Variants in PLXNA2 observed in about 807,000 individuals in gnomAD.
The protein encoded by PLXNA2 is plexin-A2.
PLXNA2 carries 91 observed loss-of-function variants against 193.5 expected under a neutral mutation model. The ratio of observed to expected loss-of-function variants is 0.47; its 90% CI spans 0.40 to 0.56. The LOEUF (loss-of-function observed/expected upper bound fraction) is 0.56. Among genes scored for constraint, PLXNA2 ranks in the 20% least tolerant of loss-of-function variants. The pLI, the probability that PLXNA2 is intolerant of heterozygous loss-of-function variation, is 0.00. For synonymous variants in PLXNA2, 997 were observed against 1,027.3 expected (o/e 0.97, Z 0.56); for missense variants, 1,995 against 2,503.2 (o/e 0.80, Z 4.33).
chr1:208,198,136 A>G (rs748748420), intron 3 of PLXNA2, among the ~76,000 whole-genome samples: 1 of 152,212 alleles, frequency 6.6e-6, no homozygotes, highest in Non-Finnish European at 1.5e-5. Flanking sequence ...TCAGGCATCA[A>G]TATTGATGGA....
chr1:208,103,967 C>T (rs1481091741), intron 4 of PLXNA2, among the ~76,000 whole-genome samples: 1 of 152,152 alleles, frequency 6.6e-6, no homozygotes. Context: ...GGGGCTTGAG[C>T]TGGGCCTGTC....
At chr1:208,158,530 G>A (rs138194787) in intron 3 of PLXNA2, among the ~76,000 whole-genome samples, 244 of 152,246 alleles carry the variant, frequency 1.6e-3, no homozygotes, top group African/African-American at 5.4e-3. Context: ...CTCCCAAACT[G>A]ACCTGTGCCC....
At chr1:208,091,138 G>A (rs909673243) in intron 9 of PLXNA2, among the ~76,000 whole-genome samples, 8 of 152,210 alleles carry the variant, frequency 5.3e-5, no homozygotes, top group Non-Finnish European at 8.8e-5. Flanking sequence ...GGCACTAGAT[G>A]CCTGGTTTCG....
At chr1:208,180,060 T>G (rs1021704593) in intron 3 of PLXNA2, among the ~76,000 whole-genome samples, 80 of 152,106 alleles carry the variant, frequency 5.3e-4, no homozygotes, top group Non-Finnish European at 1.6e-4. Flanking sequence ...CACGAGGAAA[T>G]TAGCACAAGG....
At chr1:208,238,746 C>G (rs1572066306) in intron 1 of PLXNA2, among the ~76,000 whole-genome samples, 1 of 152,298 alleles carries the variant, frequency 6.6e-6, no homozygotes, top group South Asian at 2.1e-4. Context: ...AAAAAGTCTC[C>G]TCAGGAGCAG....
rs1664370187 is a variant in PLXNA2, at chr1:208,027,291, C to T, written c.5637G>A (p.Leu1879=). ...TAATGAGCTGCTCCACCTTATAAGC[C>T]AGCCGCTGCCGCCGTGCCTGCTCAT... The part of the protein sequence containing the change: ...EQDEQARRQR[L]AYKVEQLINA... Residue 1879 remains leucine, a synonymous_variant, in exon 32 of 32, where the codon CTG becomes CTA. Transcript: ENST00000367033. 2 of 1,613,614 alleles carry T rather than the reference C, an allele frequency of 1.2e-6. No homozygotes were observed. The highest frequency in any genetic ancestry group is 3.3e-5 in the Admixed American group (2 of 60,004).
At position 208,243,949 on chromosome 1, in the gene PLXNA2, G is replaced by C. The variant is rs1418109610; in HGVS notation, c.-387C>G. 2 of 152,414 alleles carry C rather than the reference G, an allele frequency of 1.3e-5. No individual in the cohort carries two copies. Among genetic ancestry groups the C allele is most frequent in the Non-Finnish European group, 2.9e-5 (2 of 68,216 alleles). The allele number at this position is 152,414 out of a possible 1,614,324, so 9.4% of individuals were successfully genotyped here. The stretch of plus-strand genomic sequence containing the variant: ...CCCGGAGGCGCCGAGGGGGCGTGTG[G>C]GGGCGGCCGGCGGTGTCTCTCCTGA... On this transcript the variant is annotated 5_prime_UTR_variant, in exon 1 of 32. Coordinates refer to ENST00000367033, the MANE Select transcript of PLXNA2 (RefSeq NM_025179.4).
chr1:208,188,913 T>C (rs1369354142), intron 3 of PLXNA2, among the ~76,000 whole-genome samples: 39 of 152,096 alleles, frequency 2.6e-4, no homozygotes, highest in Admixed American at 2.4e-3. Context: ...TGTAGAGCAA[T>C]GCTTATGTAC....
At chr1:208,061,172 C>T (rs753935954) in intron 12 of PLXNA2, among the ~76,000 whole-genome samples, 2 of 152,176 alleles carry the variant, frequency 1.3e-5, no homozygotes, top group African/African-American at 2.4e-5. Context: ...CGATCAGTCA[C>T]GTAATCTCTC....
At chr1:208,151,496 C>T (rs374109572) in intron 3 of PLXNA2, among the ~76,000 whole-genome samples, 4 of 152,090 alleles carry the variant, frequency 2.6e-5, no homozygotes, top group East Asian at 1.9e-4. Context: ...TTAGGCATAT[C>T]GACAGGTTAA....
rs550565856 is a variant in PLXNA2, at chr1:208,023,341, C to G, written c.*3902G>C. ...CCAGGAGCAGGTTAATGGGGGCAGG[C>G]GTGGCAACCGGGATGCACCTGGAGA... is the stretch of plus-strand genomic sequence containing the variant. On this transcript the variant is annotated 3_prime_UTR_variant, in exon 32 of 32. Transcript: ENST00000367033. 1 of 152,712 alleles carries G rather than the reference C, an allele frequency of 6.5e-6. No homozygotes were observed. Among genetic ancestry groups the G allele is most frequent in the Non-Finnish European group, 1.5e-5 (1 of 68,114 alleles). The allele number at this position is 152,712 out of a possible 1,614,324, so 9.5% of individuals were successfully genotyped here. A position where few individuals can be genotyped will look rare whatever the true frequency, so the allele number is the denominator to read the frequency against.
At chr1:208,136,943 C>T (rs1484427451) in intron 4 of PLXNA2, among the ~76,000 whole-genome samples, 2 of 152,206 alleles carry the variant, frequency 1.3e-5, no homozygotes, top group Non-Finnish European at 2.9e-5. Context: ...TGCATTCTCT[C>T]AATCCTCACA....
chr1:208,083,378 G>A (rs904811604), intron 10 of PLXNA2, among the ~76,000 whole-genome samples: 3 of 152,082 alleles, frequency 2.0e-5, no homozygotes, highest in African/African-American at 7.2e-5. Context: ...GAGACCTCGG[G>A]GCATCTTCCC....
intron 3 of PLXNA2, chr1:208,209,918 AT>A (rs1481934652): frequency 8.5e-6 from 2 of 234,786 alleles, no homozygotes; most frequent in Non-Finnish European, 1.7e-5. Context: ...GGGATTTGCG[AT>A]TTTGGAGATT....
intron 1 of PLXNA2, among the ~76,000 whole-genome samples, chr1:208,234,831 C>T (rs965780083): frequency 2.0e-5 from 3 of 152,078 alleles, no homozygotes; most frequent in Non-Finnish European, 4.4e-5. Flanking sequence ...GCGGGTGACG[C>T]TGGGGCAAAC....
chr1:208,079,147 A>C, intron 12 of PLXNA2, 113 bp downstream of exon 12: 1 of 901,648 alleles, frequency 1.1e-6, no homozygotes, highest in Non-Finnish European at 1.7e-6. Context: ...CCCACATTAA[A>C]CTCACTGTAC....
In PLXNA2 at chr1:208,217,548, G is replaced by A. The variant is rs1392768151; in HGVS notation, c.375C>T (p.Arg125=). 7 of 1,614,112 alleles carry A rather than the reference G, an allele frequency of 4.3e-6. No individual in the cohort carries two copies. The highest frequency in any genetic ancestry group is 1.3e-5 in the African/African-American group (1 of 74,932). The change falls in exon 2 of 32, where the codon CGC becomes CGT. Residue 125 remains arginine (R), a synonymous_variant. Coordinates refer to ENST00000367033, the MANE Select transcript of PLXNA2 (RefSeq NM_025179.4). The surrounding 1 kb of genome is among the most constrained non-coding windows in gnomAD (Gnocchi z 4.7). ...KLLIIDYSEN[R]LLACGSLYQG... ...GGTAGAGGCTCCCACAGGCCAGCAG[G>A]CGGTTCTCAGAGTAGTCAATGATGA...
At chr1:208,224,251 G>A (rs1050293676) in intron 1 of PLXNA2, among the ~76,000 whole-genome samples, 1 of 151,766 alleles carries the variant, frequency 6.6e-6, no homozygotes, top group African/African-American at 2.4e-5. Flanking sequence ...AATAATCATG[G>A]GTTTGAGCTG....
intron 3 of PLXNA2, among the ~76,000 whole-genome samples, chr1:208,147,308 C>T (rs768640590): frequency 2.0e-5 from 3 of 152,196 alleles, no homozygotes; most frequent in Non-Finnish European, 2.9e-5. Context: ...CAGGTGTGAG[C>T]TACTATGCCC....
Sources: gnomAD v4.1 joint callset for allele counts (sites outside exome capture counted in the v4.1 genomes callset) on GRCh38, gnomAD v4.1.1 for gene constraint, Gnocchi (gnomAD v3.1) non-coding constraint, MANE v1.5 for transcripts, NCBI Gene and HGNC (gene_info 2026-07-23, HGNC 2026-07-21) for gene names.